EFCAB8: variants seen among roughly 807,000 people sequenced by gnomAD.
EFCAB8 encodes the protein EF-hand calcium-binding domain-containing protein 8.
EFCAB8 carries 100 observed loss-of-function variants against 116.3 expected under a neutral mutation model. The ratio of observed to expected loss-of-function variants is 0.86; its 90% confidence interval spans 0.73 to 1.02. The LOEUF (loss-of-function observed/expected upper bound fraction) is 1.02, where lower values mean the gene tolerates loss of function less well. EFCAB8 is among the 50% of genes least tolerant of loss of function. The pLI is 0.00. For synonymous variants in EFCAB8, 558 were observed against 567.9 expected (o/e 0.98, Z 0.25); for missense variants, 1,320 against 1,416.9 (o/e 0.93, Z 1.10).
chr20:32,908,454 T>G, intron 14 of EFCAB8, 42 bp downstream of exon 14: 1 of 1,249,418 alleles, frequency 8.0e-7, no homozygotes, highest in Non-Finnish European at 1.0e-6. Context: ...AGGCCGCAGG[T>G]GGAGGGCCAG....
chr20:32,890,517 T>A (rs1985860800), intron 7 of EFCAB8, among the ~76,000 whole-genome samples: 1 of 152,078 alleles, frequency 6.6e-6, no homozygotes, highest in African/African-American at 2.4e-5. Context: ...GCATCTGTTC[T>A]GCTCAACTCA....
intron 23 of EFCAB8, among the ~76,000 whole-genome samples, chr20:32,946,277 T>C (rs937507641): frequency 6.6e-6 from 1 of 152,242 alleles, no homozygotes; most frequent in African/African-American, 2.4e-5. Flanking sequence ...ATCTCAGTCT[T>C]TCCCTCCCAG....
At position 32,918,364 on chromosome 20, in the gene EFCAB8, G is replaced by A. The variant is rs747713102; in HGVS notation, c.2064G>A (p.Val688=). ...GGGCTGCTTTCTTCTTGGTACAGGT[G>A]CAAGATGTGAACAACTGCCTGGCTG... The part of the protein sequence containing the change: ...RSPSPLQPKR[V]QDVNNCLAES... The change falls in exon 19 of 27, where the codon GTG becomes GTA. Residue 688 remains valine, a splice_region_variant and synonymous_variant. Coordinates refer to ENST00000400522, the MANE Select transcript of EFCAB8 (RefSeq NM_001143967.2). 4.1e-5 allele frequency: 64 copies of A among 1,551,624 alleles called. No homozygotes were observed. In the African/African-American group the frequency reaches 7.4e-4, roughly 18 times the overall value.
chr20:32,917,447 T>G lies in EFCAB8; in HGVS notation c.2003T>G (p.Leu668Arg). Residue 668 changes from leucine to arginine, a missense_variant, in exon 18 of 27, where the codon CTC becomes CGC. By Grantham distance (102) the Leu-to-Arg change is moderately radical. Coordinates refer to ENST00000400522, the MANE Select transcript of EFCAB8 (RefSeq NM_001143967.2). ...ATCCTCTTCTGGAACACCGGCACAC[T>G]CAAGCCCATCTTCAACTTCAATGCC... ...GDILFWNTGT[L>R]KPIFNFNASR... The G allele has an allele frequency of 6.4e-7, 1 of 1,551,918 alleles. No homozygotes were observed. Among genetic ancestry groups the G allele is most frequent in the Non-Finnish European group, 8.7e-7 (1 of 1,146,900 alleles).
In EFCAB8 at chr20:32,885,560, A is replaced by T. The variant is rs760805191; in HGVS notation, c.487A>T (p.Ile163Phe). Residue 163 changes from isoleucine (I) to phenylalanine (F), a missense_variant, in exon 6 of 27, where the codon ATC becomes TTC. Coordinates refer to ENST00000400522, the MANE Select transcript of EFCAB8 (RefSeq NM_001143967.2). Reference sequence around the variant, plus strand: ...GTTTTTAATCCACCGGTTCAAGAAGATCGGGTGTTTCCTGACTGTCACCAA... The same window carrying T: ...GTTTTTAATCCACCGGTTCAAGAAGTTCGGGTGTTTCCTGACTGTCACCAA... ...VVFLIHRFKKIGCFLTVTKDG... is the reference protein window; with the variant it reads ...VVFLIHRFKKFGCFLTVTKDG... 6.4e-7 allele frequency: 1 copy of T among 1,551,664 alleles called. No homozygotes were observed. Among genetic ancestry groups the T allele is most frequent in the Non-Finnish European group, 8.7e-7 (1 of 1,146,992 alleles).
Position 32,863,552 on chromosome 20 carries a change from A to G in EFCAB8, c.-10-231A>G, listed in dbSNP as rs1329736618. ...GGCTTCTGCAGGACAACTCCTCTCT[A>G]TCAGGGGAAGAAAGGCTCAAGTGCA... On this transcript the variant is annotated intron_variant, in intron 1 of 26. Transcript: ENST00000400522. Among the ~76,000 whole-genome samples, 10 of 152,256 alleles carry G rather than the reference A, an allele frequency of 6.6e-5. No homozygotes were observed. In the East Asian group the frequency reaches 1.7e-3, roughly 26 times the overall value.
At chr20:32,863,697 C>T in intron 1 of EFCAB8, 86 bp from the exon 2 acceptor site, 1 of 1,378,712 alleles carries the variant, frequency 7.3e-7, no homozygotes, top group Non-Finnish European at 9.9e-7. Context: ...GACTTCTTTT[C>T]CACCTTTCTG....
chr20:32,869,095 T>A (rs1412717784), intron 3 of EFCAB8, among the ~76,000 whole-genome samples: 1 of 152,196 alleles, frequency 6.6e-6, no homozygotes, highest in African/African-American at 2.4e-5. Flanking sequence ...TCCTTGCCCC[T>A]GTGTGACTGA....
intron 2 of EFCAB8, among the ~76,000 whole-genome samples, chr20:32,865,900 C>T (rs1984375848): frequency 2.6e-5 from 4 of 151,804 alleles, no homozygotes; most frequent in Non-Finnish European, 5.9e-5. Context: ...GGTCATTGTA[C>T]TTGTCCCAGC....
At chr20:32,872,702 G>A (rs1568899795) in intron 3 of EFCAB8, among the ~76,000 whole-genome samples, 1 of 151,924 alleles carries the variant, frequency 6.6e-6, no homozygotes, top group African/African-American at 2.4e-5. Context: ...GCTGAGCCAG[G>A]AGAATTTCTT....
At chr20:32,953,771 G>T (rs529672533) in intron 23 of EFCAB8, among the ~76,000 whole-genome samples, 1 of 152,134 alleles carries the variant, frequency 6.6e-6, no homozygotes, top group South Asian at 2.1e-4. Context: ...CCATTCTGTA[G>T]GCTTCGTTTT....
intron 9 of EFCAB8, among the ~76,000 whole-genome samples, chr20:32,893,695 G>C (rs1005024319): frequency 6.6e-6 from 1 of 151,998 alleles, no homozygotes; most frequent in African/African-American, 2.4e-5. Context: ...GCTCTCCTTG[G>C]CTCTAGTGCT....
intron 19 of EFCAB8, among the ~76,000 whole-genome samples, chr20:32,919,714 G>A (rs1044502923): frequency 6.6e-6 from 1 of 152,006 alleles, no homozygotes; most frequent in African/African-American, 2.4e-5. Context: ...GGCCAGGCTG[G>A]TCTCAGACTC....
At chr20:32,866,885 CCTTT>C (rs1345976674) in intron 2 of EFCAB8, among the ~76,000 whole-genome samples, 9 of 144,886 alleles carry the variant, frequency 6.2e-5, no homozygotes, top group East Asian at 2.1e-4. Flanking sequence ...TTCCTTCCTT[CCTTT>C]CTTTCTCTCT....
At chr20:32,911,778 G>A in intron 16 of EFCAB8, 71 bp downstream of exon 16, 1 of 1,442,780 alleles carries the variant, frequency 6.9e-7, no homozygotes, top group Non-Finnish European at 9.5e-7. Flanking sequence ...TTTGACCCTG[G>A]GATGCACTAT....
At chr20:32,925,363 G>C (rs933308414) in intron 20 of EFCAB8, among the ~76,000 whole-genome samples, 2 of 152,112 alleles carry the variant, frequency 1.3e-5, no homozygotes, top group Admixed American at 6.6e-5. Flanking sequence ...GGGATTACAG[G>C]TGTGTGCCAC....
intron 14 of EFCAB8, among the ~76,000 whole-genome samples, chr20:32,908,903 A>T (rs1405323204): frequency 6.6e-6 from 1 of 152,334 alleles, no homozygotes; most frequent in South Asian, 2.1e-4. Context: ...TCTGTGACTC[A>T]GGACTCAGCT....
At chr20:32,885,772 C>T (rs1019969565) in intron 6 of EFCAB8, 132 bp downstream of exon 6, 2 of 1,180,906 alleles carry the variant, frequency 1.7e-6, no homozygotes, top group African/African-American at 3.1e-5. Flanking sequence ...AGTCACAGCA[C>T]CTGGGTCCTG....
At chr20:32,876,153 C>T in intron 4 of EFCAB8, 109 bp downstream of exon 4, 2 of 959,408 alleles carry the variant, frequency 2.1e-6, no homozygotes, top group South Asian at 1.6e-5. Context: ...GTGGGAAAGC[C>T]TCCCTGTGGA....
Sources: allele counts gnomAD v4.1 joint callset (sites outside exome capture counted in the v4.1 genomes callset), GRCh38; gene constraint gnomAD v4.1.1; transcripts MANE v1.5; gene names NCBI Gene and HGNC (gene_info 2026-07-23, HGNC 2026-07-21).